Variants in ANK3 observed in about 807,000 individuals in gnomAD.
The protein encoded by ANK3 is ankyrin 3, also known as ankyrin-3.
A neutral mutation model predicts 370.9 loss-of-function variants in ANK3; 57 were observed. The ratio of observed to expected loss-of-function variants is 0.15; its 90% confidence interval spans 0.12 to 0.19. ANK3 has a LOEUF of 0.19. Among genes scored for constraint, ANK3 ranks in the 10% least tolerant of loss-of-function variants. ANK3 has a pLI of 1.00. For missense variants in ANK3, 4,439 were observed against 5,302.1 expected (o/e 0.84, Z 5.06); for synonymous variants, 1,929 against 1,946.3 (o/e 0.99, Z 0.23).
At chr10:60,093,579 C>T (rs2089285055) in intron 28 of ANK3, among the ~76,000 whole-genome samples, 1 of 152,154 alleles carries the variant, frequency 6.6e-6, no homozygotes, top group African/African-American at 2.4e-5. Flanking sequence ...GGTATATGTG[C>T]ACACATTTGT....
intron 1 of ANK3, among the ~76,000 whole-genome samples, chr10:60,638,499 T>A (rs1444518966): frequency 6.6e-6 from 1 of 151,834 alleles, no homozygotes; most frequent in Non-Finnish European, 1.5e-5. Context: ...TCTTAATGCC[T>A]GATACCTAAT....
intron 2 of ANK3, among the ~76,000 whole-genome samples, chr10:60,465,524 A>C (rs2064989739): frequency 6.6e-6 from 1 of 152,168 alleles, no homozygotes; most frequent in South Asian, 2.1e-4. Flanking sequence ...AATTCAAAAG[A>C]AAGGAGAGAC....
intron 1 of ANK3, among the ~76,000 whole-genome samples, chr10:60,649,358 A>C (rs1412844002): frequency 6.6e-6 from 1 of 152,200 alleles, no homozygotes. Flanking sequence ...TTAATAGTAT[A>C]ATGATTTTTA....
intron 7 of ANK3, among the ~76,000 whole-genome samples, chr10:60,243,379 C>T (rs2097502283): frequency 1.3e-5 from 2 of 152,128 alleles, no homozygotes; most frequent in African/African-American, 4.8e-5. Context: ...GTATGGCCTC[C>T]ACAATGGGAT....
intron 1 of ANK3, chr10:60,615,274 T>C (rs887536354): frequency 3.4e-5 from 47 of 1,362,684 alleles, no homozygotes; most frequent in Non-Finnish European, 4.2e-5. Flanking sequence ...GAATTCCATA[T>C]ATTTACCATG....
chr10:60,032,323 C>T (rs1241951976), intron 43 of ANK3, among the ~76,000 whole-genome samples: 1 of 149,316 alleles, frequency 6.7e-6, no homozygotes, highest in East Asian at 2.0e-4. Flanking sequence ...TCTCCTGTCT[C>T]AGTCTCCCGA....
chr10:60,170,382 A>G (rs1814671522), intron 21 of ANK3, among the ~76,000 whole-genome samples: 1 of 152,180 alleles, frequency 6.6e-6, no homozygotes, highest in South Asian at 2.1e-4. Context: ...TAGAGTTATT[A>G]GCTTAAAGTC....
At chr10:60,202,345 A>G (rs1271053434) in intron 12 of ANK3, among the ~76,000 whole-genome samples, 1 of 151,164 alleles carries the variant, frequency 6.6e-6, no homozygotes, top group Non-Finnish European at 1.5e-5. Flanking sequence ...CTGGTCTCGA[A>G]CTCCCAACCT....
chr10:60,070,394 T>G lies in ANK3; in HGVS notation c.10487A>C (p.Gln3496Pro). Residue 3496 changes from glutamine (Q) to proline (P), a missense_variant, in exon 37 of 44, where the codon CAG becomes CCG. Transcript: ENST00000280772. The surrounding 1 kb of genome is among the most constrained non-coding windows in gnomAD (Gnocchi z 5.7). ...TGTGAAGAACTGGGCCCCTGACTTCTGATCAGTCTTATCAGGAGTCTTTTC... is the reference window on the plus strand; with the variant it reads ...TGTGAAGAACTGGGCCCCTGACTTCGGATCAGTCTTATCAGGAGTCTTTTC... ...SSEKTPDKTD[Q>P]KSGAQFFTLE... is the part of the protein sequence containing the mutation. The G allele has an allele frequency of 6.2e-7, 1 of 1,614,172 alleles. No homozygotes were observed. The highest frequency in any genetic ancestry group is 1.1e-5 in the South Asian group (1 of 91,086).
chr10:60,050,602 C>A (rs10994167), intron 42 of ANK3: 1 of 152,116 alleles, frequency 6.6e-6, no homozygotes, highest in African/African-American at 2.4e-5. Flanking sequence ...CAAAAGTCTG[C>A]GCATTGAAAA....
intron 1 of ANK3, among the ~76,000 whole-genome samples, chr10:60,356,009 C>G (rs578239105): frequency 6.6e-6 from 1 of 152,154 alleles, no homozygotes; most frequent in African/African-American, 2.4e-5. Context: ...TCTTAACAGT[C>G]TAGTAACAGC....
At chr10:60,216,693 C>T (rs1321072011) in intron 8 of ANK3, among the ~76,000 whole-genome samples, 1 of 152,114 alleles carries the variant, frequency 6.6e-6, no homozygotes, top group African/African-American at 2.4e-5. Context: ...ATTTTCTCAT[C>T]GATGTTCATC....
chr10:60,621,115 G>A (rs2078331059), intron 1 of ANK3, among the ~76,000 whole-genome samples: 1 of 152,282 alleles, frequency 6.6e-6, no homozygotes. Context: ...GGTTAAATTA[G>A]AGAAAAGCAA....
At chr10:60,684,444 A>C in intron 1 of ANK3, 1 of 953,074 alleles carries the variant, frequency 1.0e-6, no homozygotes, top group Middle Eastern at 2.5e-4. Context: ...ACCTACGAAG[A>C]GAAGTCCTAA....
chr10:60,418,749 A>G (rs1024164602), intron 2 of ANK3, among the ~76,000 whole-genome samples: 3 of 152,046 alleles, frequency 2.0e-5, no homozygotes, highest in African/African-American at 4.8e-5. Context: ...CTGAAATTCA[A>G]TTTTAACTGG....
chr10:60,184,602 C>T (rs2096278447), intron 17 of ANK3, among the ~76,000 whole-genome samples: 1 of 152,152 alleles, frequency 6.6e-6, no homozygotes, highest in South Asian at 2.1e-4. Flanking sequence ...TTCCAGGTTT[C>T]CCTGGTTTGC....
At chr10:60,276,904 A>T (rs1461125487) in intron 4 of ANK3, among the ~76,000 whole-genome samples, 1 of 152,348 alleles carries the variant, frequency 6.6e-6, no homozygotes, top group South Asian at 2.1e-4. Context: ...ACATCCGTTT[A>T]AAAGCATGAT....
At chr10:60,539,371 G>A (rs374311991) in intron 2 of ANK3, among the ~76,000 whole-genome samples, 4 of 151,964 alleles carry the variant, frequency 2.6e-5, no homozygotes, top group African/African-American at 9.6e-5. Flanking sequence ...AAAGTTCCTT[G>A]TCAACTGCAA....
chr10:60,484,849 A>G (rs2075309565), intron 2 of ANK3, among the ~76,000 whole-genome samples: 1 of 152,186 alleles, frequency 6.6e-6, no homozygotes, highest in Admixed American at 6.5e-5. Flanking sequence ...AGATGAATCC[A>G]ATGTTACTTT....
Sources: allele counts gnomAD v4.1 joint callset (sites outside exome capture counted in the v4.1 genomes callset), GRCh38; gene constraint gnomAD v4.1.1; non-coding constraint Gnocchi (gnomAD v3.1); transcripts MANE v1.5; gene names NCBI Gene and HGNC (gene_info 2026-07-23, HGNC 2026-07-21).